MAF: variants seen among roughly 807,000 people sequenced by gnomAD.
MAF encodes MAF bZIP transcription factor.
Under a neutral mutation model 22.0 loss-of-function variants are expected in MAF, and 10 were observed. That is an observed-to-expected ratio of 0.45 (90% CI 0.28 to 0.77). MAF has a LOEUF of 0.77. Among genes scored for constraint, MAF ranks in the 30% least tolerant of loss-of-function variants. The pLI is 0.12. For missense variants in MAF, 544 were observed against 548.4 expected (o/e 0.99, Z 0.08); for synonymous variants, 337 against 255.8 (o/e 1.32, Z -3.03).
chr16:79,337,460 C>A, the MAF span, among the ~76,000 whole-genome samples: 4 of 152,082 alleles, frequency 2.6e-5, no homozygotes, highest in African/African-American at 9.7e-5. Flanking sequence ...CCCAGCTACT[C>A]AGGAGGCTGA....
At chr16:79,443,896 GC>G in the MAF span, among the ~76,000 whole-genome samples, 293 of 152,166 alleles carry the variant, frequency 1.9e-3, 1 homozygote, top group African/African-American at 6.8e-3. Flanking sequence ...AAATGGTAAA[GC>G]CACTTGTGGT....
chr16:79,230,255 T>G, the MAF span, among the ~76,000 whole-genome samples: 95 of 152,240 alleles, frequency 6.2e-4, no homozygotes, highest in East Asian at 0.016. Context: ...TCTTTGGCAT[T>G]CTGGGTTCTG....
chr16:79,511,439 T>A, the MAF span, among the ~76,000 whole-genome samples: 1 of 152,226 alleles, frequency 6.6e-6, no homozygotes, highest in Non-Finnish European at 1.5e-5. Context: ...AGGTCTTTAT[T>A]TCTGAAAAGG....
the MAF span, among the ~76,000 whole-genome samples, chr16:79,390,111 G>T: frequency 6.6e-6 from 1 of 151,638 alleles, no homozygotes; most frequent in African/African-American, 2.4e-5. Flanking sequence ...GTGCATTGGT[G>T]ATGGCATGTG....
the MAF span, among the ~76,000 whole-genome samples, chr16:79,428,946 G>A: frequency 1.3e-5 from 2 of 152,000 alleles, no homozygotes; most frequent in Non-Finnish European, 2.9e-5. Flanking sequence ...CAAAAGCTCC[G>A]GTGATGGACA....
At chr16:79,432,658 G>A in the MAF span, among the ~76,000 whole-genome samples, 1 of 152,148 alleles carries the variant, frequency 6.6e-6, no homozygotes, top group Non-Finnish European at 1.5e-5. Context: ...ATCACTTGTG[G>A]AAGTAGTTAA....
the MAF span, among the ~76,000 whole-genome samples, chr16:79,439,257 CTTTTT>C: frequency 7.6e-6 from 1 of 130,802 alleles, no homozygotes; most frequent in African/African-American, 2.9e-5. Context: ...TAGGTACTTA[CTTTTT>C]TTTTTTTTTT....
At chr16:79,389,565 G>C in the MAF span, among the ~76,000 whole-genome samples, 4 of 152,112 alleles carry the variant, frequency 2.6e-5, no homozygotes, top group Non-Finnish European at 5.9e-5. Context: ...TCCAGCTAAA[G>C]ATTGCTCTTC....
chr16:79,265,290 A>G, the MAF span, among the ~76,000 whole-genome samples: 298 of 152,302 alleles, frequency 2.0e-3, 1 homozygote, highest in African/African-American at 6.3e-3. Flanking sequence ...AATCCTGACT[A>G]TCATTCTTAG....
chr16:79,552,457 T>A, the MAF span, among the ~76,000 whole-genome samples: 1 of 152,208 alleles, frequency 6.6e-6, no homozygotes, highest in Non-Finnish European at 1.5e-5. Flanking sequence ...AATCCTCCCA[T>A]GTCGGCCTTC....
At chr16:79,203,495 G>GTTTTT in the MAF span, 1 of 136,460 alleles carries the variant, frequency 7.3e-6, no homozygotes, top group South Asian at 2.4e-4. Context: ...GAGACCTTGT[G>GTTTTT]TTTTTTTTTT....
the MAF span, among the ~76,000 whole-genome samples, chr16:79,237,745 G>C: frequency 6.6e-6 from 1 of 152,100 alleles, no homozygotes; most frequent in African/African-American, 2.4e-5. Flanking sequence ...GTATTTGCAG[G>C]GTGCTTACTG....
At chr16:79,572,363 C>G in the MAF span, among the ~76,000 whole-genome samples, 3 of 152,178 alleles carry the variant, frequency 2.0e-5, no homozygotes, top group African/African-American at 7.2e-5. Context: ...AAATGCCCCT[C>G]CCTTTCTTCC....
At chr16:79,210,432 C>T in the MAF span, among the ~76,000 whole-genome samples, 1 of 152,126 alleles carries the variant, frequency 6.6e-6, no homozygotes, top group Non-Finnish European at 1.5e-5. Flanking sequence ...CAATGTAAAC[C>T]CTGCAGGGGC....
the MAF span, chr16:79,212,306 G>GAGAC: frequency 1.1e-6 from 1 of 922,886 alleles, no homozygotes; most frequent in Non-Finnish European, 1.6e-6. Flanking sequence ...AACTGCTGGG[G>GAGAC]AGACAAATCT....
chr16:79,408,951 C>CT, the MAF span, among the ~76,000 whole-genome samples: 507 of 140,944 alleles, frequency 3.6e-3, 4 homozygotes, highest in African/African-American at 0.013. Flanking sequence ...TTTTTTACTG[C>CT]TTTTTTTTTT....
At chr16:79,421,175 A>C in the MAF span, among the ~76,000 whole-genome samples, 2 of 152,216 alleles carry the variant, frequency 1.3e-5, no homozygotes, top group Non-Finnish European at 2.9e-5. Flanking sequence ...TACGTACAAG[A>C]GAAAACAATA....
the MAF span, among the ~76,000 whole-genome samples, chr16:79,328,592 C>T: frequency 6.6e-6 from 1 of 152,162 alleles, no homozygotes; most frequent in Admixed American, 6.5e-5. Context: ...ATCCCTCGAG[C>T]CGAGCTGGCA....
chr16:79,214,788 C>A, the MAF span, among the ~76,000 whole-genome samples: 1 of 136,572 alleles, frequency 7.3e-6, no homozygotes, highest in Non-Finnish European at 1.5e-5. Flanking sequence ...TTTTGGCTCA[C>A]TGCAACCTCC....
Sources: allele counts gnomAD v4.1 joint callset (sites outside exome capture counted in the v4.1 genomes callset), GRCh38; gene constraint gnomAD v4.1.1; transcripts MANE v1.5; gene names NCBI Gene and HGNC (gene_info 2026-07-23, HGNC 2026-07-21).